Variants in DLGAP2 observed in about 807,000 individuals in gnomAD.
DLGAP2 encodes the protein disks large-associated protein 2.
DLGAP2 carries 26 observed loss-of-function variants against 100.3 expected under a neutral mutation model. The observed-to-expected ratio is 0.26, with a 90% CI of 0.19 to 0.36. The LOEUF (loss-of-function observed/expected upper bound fraction) is 0.36. Ranked by LOEUF, DLGAP2 falls within the 10% of genes least tolerant of loss-of-function variation. The pLI, the probability that DLGAP2 is intolerant of heterozygous loss-of-function variation, is 1.00. For missense variants in DLGAP2, 1,858 were observed against 1,453.2 expected (o/e 1.28, Z -4.53); for synonymous variants, 886 against 630.1 (o/e 1.41, Z -6.08).
intron 1 of DLGAP2, among the ~76,000 whole-genome samples, chr8:805,917 A>G (rs140792484): frequency 5.0e-4 from 76 of 152,360 alleles, no homozygotes; most frequent in African/African-American, 1.8e-3. Context: ...ACCTACAAGC[A>G]TATTTCTAGG....
At chr8:1,156,758 C>G (rs564666232) in intron 2 of DLGAP2, among the ~76,000 whole-genome samples, 3 of 152,302 alleles carry the variant, frequency 2.0e-5, no homozygotes, top group African/African-American at 7.2e-5. Flanking sequence ...GGTGCCCCAG[C>G]TCAGGATCCC....
At chr8:1,580,012 G>A (rs866871361) in intron 6 of DLGAP2, among the ~76,000 whole-genome samples, 1 of 152,166 alleles carries the variant, frequency 6.6e-6, no homozygotes, top group Non-Finnish European at 1.5e-5. Flanking sequence ...AAAGCCTGAT[G>A]GAATAAGAGC....
intron 1 of DLGAP2, among the ~76,000 whole-genome samples, chr8:750,659 C>T (rs996497706): frequency 4.6e-5 from 7 of 152,230 alleles, no homozygotes; most frequent in Non-Finnish European, 7.3e-5. Flanking sequence ...CTGACTTCCA[C>T]GGCACCTGGC....
intron 2 of DLGAP2, among the ~76,000 whole-genome samples, chr8:1,125,807 T>C (rs1285746561): frequency 6.6e-6 from 1 of 152,232 alleles, no homozygotes; most frequent in Non-Finnish European, 1.5e-5. Context: ...AAGGCCGCTC[T>C]ACAGCTAGGC....
chr8:857,465 A>G (rs575681648), intron 1 of DLGAP2, among the ~76,000 whole-genome samples: 14 of 152,250 alleles, frequency 9.2e-5, no homozygotes, highest in Non-Finnish European at 1.9e-4. Context: ...CAAAATATAC[A>G]AATAATTTTC....
At chr8:1,625,947 C>G (rs907103854) in intron 6 of DLGAP2, among the ~76,000 whole-genome samples, 1 of 144,706 alleles carries the variant, frequency 6.9e-6, no homozygotes, top group African/African-American at 2.5e-5. Context: ...ATTGGACGGT[C>G]GTTCCCATCT....
rs200960301 is a variant in DLGAP2 at position 1,088,516 on chromosome 8, T to C, written c.74-170335T>C. Among the ~76,000 whole-genome samples the C allele has an allele frequency of 1.6e-4, 24 of 152,288 alleles. No individual in the cohort carries two copies. The East Asian group carries it at 2.5e-3, about 16-fold the overall frequency. ...CTGTCTGTTTTTCATGCCCTTGAGA[T>C]GGGATAAAGCTGTCAAATCTCTGAC... is the stretch of plus-strand genomic sequence containing the variant. On this transcript the variant is annotated intron_variant, in intron 2 of 14. Transcript: ENST00000637795.
intron 1 of DLGAP2, among the ~76,000 whole-genome samples, chr8:820,211 C>T (rs1482270032): frequency 3.9e-5 from 6 of 152,132 alleles, no homozygotes; most frequent in African/African-American, 9.7e-5. Context: ...AAGTTTTAAA[C>T]ATGTTAAATA....
intron 2 of DLGAP2, among the ~76,000 whole-genome samples, chr8:1,246,071 T>G (rs1289115226): frequency 1.3e-5 from 2 of 152,248 alleles, no homozygotes; most frequent in Non-Finnish European, 2.9e-5. Context: ...GTCTATATTT[T>G]AATACAGAGT....
chr8:1,384,422 G>A (rs1348835917), intron 3 of DLGAP2, among the ~76,000 whole-genome samples: 3 of 85,364 alleles, frequency 3.5e-5, no homozygotes, highest in African/African-American at 8.6e-5. Context: ...ACCCCGGCCT[G>A]TGCCCGGCCC....
At chr8:819,495 A>G (rs1585897440) in intron 1 of DLGAP2, among the ~76,000 whole-genome samples, 1 of 152,212 alleles carries the variant, frequency 6.6e-6, no homozygotes, top group East Asian at 1.9e-4. Flanking sequence ...TGAAGTCTCT[A>G]CTATCTTGGG....
At chr8:1,326,759 G>A (rs2117049725) in intron 3 of DLGAP2, among the ~76,000 whole-genome samples, 1 of 152,278 alleles carries the variant, frequency 6.6e-6, no homozygotes, top group South Asian at 2.1e-4. Context: ...TTTTCCAACT[G>A]GAGAGACTAA....
chr8:1,384,088 G>GCATCAATTAAT lies in DLGAP2; in HGVS notation c.107-117277_107-117267dup, dbSNP rs575500268. 2.4e-3 allele frequency among the ~76,000 whole-genome samples: 373 copies of GCATCAATTAAT among 152,342 alleles called. 3 individuals carry two copies. The South Asian group carries it at 0.028, about 12-fold the overall frequency. Reference sequence around the variant, plus strand: ...TGGGAAACAGTATACACTTATTTAGGCATCAATTAATAGAAGAATTAGGTC... The same window carrying GCATCAATTAAT: ...TGGGAAACAGTATACACTTATTTAGGCATCAATTAATCATCAATTAATAGAAGAATTAGGTC... On this transcript the variant is annotated intron_variant, in intron 3 of 14. Coordinates refer to ENST00000637795, the MANE Select transcript of DLGAP2 (RefSeq NM_001346810.2).
chr8:1,232,856 G>A (rs1798566197), intron 2 of DLGAP2, among the ~76,000 whole-genome samples: 1 of 152,166 alleles, frequency 6.6e-6, no homozygotes, highest in Admixed American at 6.5e-5. Flanking sequence ...CTTTTAGTGT[G>A]TTTGCACGGT....
At chr8:1,415,253 C>T (rs574331773) in intron 3 of DLGAP2, among the ~76,000 whole-genome samples, 2 of 152,182 alleles carry the variant, frequency 1.3e-5, no homozygotes. Context: ...AAAACTTTCA[C>T]TTTTAATTAT....
At chr8:1,193,503 C>G (rs903669030) in intron 2 of DLGAP2, among the ~76,000 whole-genome samples, 1 of 152,202 alleles carries the variant, frequency 6.6e-6, no homozygotes, top group African/African-American at 2.4e-5. Flanking sequence ...TGTCACTTAG[C>G]ACCATGCGTT....
At chr8:1,032,424 T>C (rs949354235) in intron 2 of DLGAP2, among the ~76,000 whole-genome samples, 2 of 152,216 alleles carry the variant, frequency 1.3e-5, no homozygotes. Context: ...CAGCGCACGA[T>C]GGAGAAACGT....
intron 2 of DLGAP2, among the ~76,000 whole-genome samples, chr8:983,084 A>G (rs1370239433): frequency 6.6e-6 from 1 of 152,208 alleles, no homozygotes; most frequent in African/African-American, 2.4e-5. Flanking sequence ...GGGCAGGGTG[A>G]ACTTACCCGA....
chr8:1,127,644 C>G (rs1796198494), intron 2 of DLGAP2, among the ~76,000 whole-genome samples: 2 of 152,312 alleles, frequency 1.3e-5, no homozygotes, highest in Non-Finnish European at 2.9e-5. Flanking sequence ...CCAGGCCCCT[C>G]CTTTCCCTGT....
Sources: gnomAD v4.1 joint callset for allele counts (sites outside exome capture counted in the v4.1 genomes callset) on GRCh38, gnomAD v4.1.1 for gene constraint, MANE v1.5 for transcripts, NCBI Gene and HGNC (gene_info 2026-07-23, HGNC 2026-07-21) for gene names.